SLC25A48: variants seen among roughly 807,000 people sequenced by gnomAD.
SLC25A48 encodes the protein solute carrier family 25 member 48.
A neutral mutation model predicts 32.2 loss-of-function variants in SLC25A48; 29 were observed. The ratio of observed to expected loss-of-function variants is 0.90; its 90% CI spans 0.67 to 1.23. SLC25A48 has a LOEUF of 1.23. Ranked by LOEUF, SLC25A48 falls within the 50% of genes most tolerant of loss-of-function variation. The pLI, the probability that SLC25A48 is intolerant of heterozygous loss-of-function variation, is 0.00. For synonymous variants in SLC25A48, 164 were observed against 172.3 expected, an observed-to-expected ratio of 0.95 and a Z score of 0.38; for missense variants, 399 against 422.7, an observed-to-expected ratio of 0.94 and a Z score of 0.49.
At chr5:135,850,544 AGGCTG>A in intron 3 of SLC25A48, 48 bp downstream of exon 3, 1 of 1,586,392 alleles carries the variant, frequency 6.3e-7, no homozygotes. Flanking sequence ...GGGCCCCCAC[AGGCTG>A]GGGACCAGGG....
At chr5:135,677,099 A>G (rs1415504024) in intron 3 of SLC25A48, among the ~76,000 whole-genome samples, 1 of 152,004 alleles carries the variant, frequency 6.6e-6, no homozygotes, top group Non-Finnish European at 1.5e-5. Flanking sequence ...CTCTTTCTTT[A>G]GATCTAGTAA....
At chr5:135,882,503 G>A (rs192612472) in intron 7 of SLC25A48, among the ~76,000 whole-genome samples, 2 of 152,256 alleles carry the variant, frequency 1.3e-5, no homozygotes, top group Admixed American at 6.5e-5. Context: ...GAGAGTTCCT[G>A]AGTACAGATG....
At chr5:135,694,695 C>T (rs1754226997) in intron 3 of SLC25A48, among the ~76,000 whole-genome samples, 1 of 152,084 alleles carries the variant, frequency 6.6e-6, no homozygotes, top group Non-Finnish European at 1.5e-5. Context: ...TCAAGCAATT[C>T]TCCTGCTCAG....
intron 3 of SLC25A48, among the ~76,000 whole-genome samples, chr5:135,672,621 C>A (rs1301000751): frequency 6.6e-6 from 1 of 152,178 alleles, no homozygotes; most frequent in Admixed American, 6.5e-5. Flanking sequence ...GGTTGGGCAG[C>A]CAGATCCTGG....
intron 4 of SLC25A48, among the ~76,000 whole-genome samples, chr5:135,857,351 C>A (rs1020816961): frequency 1.3e-5 from 2 of 152,184 alleles, no homozygotes; most frequent in African/African-American, 2.4e-5. Flanking sequence ...GCATGGCCTC[C>A]AAGCAGGGTG....
chr5:135,839,217 C>T (rs907423879), intron 1 of SLC25A48, among the ~76,000 whole-genome samples: 2 of 152,212 alleles, frequency 1.3e-5, no homozygotes, highest in African/African-American at 4.8e-5. Flanking sequence ...GGGAGACACT[C>T]ATGCCAGCAG....
intron 4 of SLC25A48, among the ~76,000 whole-genome samples, chr5:135,860,969 A>T (rs536450343): frequency 6.6e-6 from 1 of 152,342 alleles, no homozygotes; most frequent in Non-Finnish European, 1.5e-5. Context: ...ACTGGCAAAT[A>T]TATAGCCAGT....
Position 135,715,200 on chromosome 5 carries a change from G to A in SLC25A48, c.-521+80244G>A, listed in dbSNP as rs142458392. Among the ~76,000 whole-genome samples, 347 of 152,342 alleles carry A rather than the reference G, an allele frequency of 2.3e-3. 1 individual carries two copies. The highest frequency in any genetic ancestry group is 2.6e-3 in the Non-Finnish European group (177 of 68,026). Reference sequence around the variant, plus strand: ...CGAAAAAAACAGCAGAGGTGCAATGGATAGAATTTGGCTGCTGATTTGATA... The same window carrying A: ...CGAAAAAAACAGCAGAGGTGCAATGAATAGAATTTGGCTGCTGATTTGATA... On this transcript the variant is annotated intron_variant, in intron 3 of 10. Transcript: ENST00000646290.
intron 3 of SLC25A48, among the ~76,000 whole-genome samples, chr5:135,795,741 C>T (rs924932321): frequency 6.6e-6 from 1 of 151,080 alleles, no homozygotes; most frequent in African/African-American, 2.4e-5. Flanking sequence ...TTCATAACAT[C>T]CGGTGGGGGA....
chr5:135,793,209 C>T (rs930040334), intron 3 of SLC25A48, among the ~76,000 whole-genome samples: 6 of 151,394 alleles, frequency 4.0e-5, no homozygotes, highest in Non-Finnish European at 7.4e-5. Flanking sequence ...TGTGTGTACA[C>T]CCTGGATGTT....
At chr5:135,755,483 A>G (rs998890860) in intron 3 of SLC25A48, among the ~76,000 whole-genome samples, 4 of 152,024 alleles carry the variant, frequency 2.6e-5, no homozygotes, top group Non-Finnish European at 4.4e-5. Context: ...TACTTATCAT[A>G]TCATATCTAG....
chr5:135,742,421 G>A (rs1297849864), intron 3 of SLC25A48: 3 of 1,436,916 alleles, frequency 2.1e-6, no homozygotes, highest in East Asian at 5.1e-5. Flanking sequence ...CCCTCAGATA[G>A]AATGAACATC....
chr5:135,812,153 T>G (rs1757603415), intron 3 of SLC25A48, among the ~76,000 whole-genome samples: 1 of 152,174 alleles, frequency 6.6e-6, no homozygotes, highest in African/African-American at 2.4e-5. Flanking sequence ...GATTTTTATT[T>G]ATTTTATTTT....
At position 135,618,052 on chromosome 5, in the gene SLC25A48, A is replaced by C. The variant is rs370343544; in HGVS notation, c.-848-11185A>C. ...AGTATTATTGTATTGAAGTCTGTCT[A>C]TCCCTTTAGATCTAATAATTTTTGC... is the stretch of plus-strand genomic sequence containing the variant. On this transcript the variant is annotated intron_variant, in intron 1 of 10. Transcript: ENST00000646290. 1.8e-4 allele frequency among the ~76,000 whole-genome samples: 27 copies of C among 151,154 alleles called. 1 individual carries two copies. Among genetic ancestry groups the C allele is most frequent in the African/African-American group, 6.4e-4 (26 of 40,590 alleles).
At chr5:135,725,751 G>A (rs546967723) in intron 3 of SLC25A48, among the ~76,000 whole-genome samples, 3 of 152,088 alleles carry the variant, frequency 2.0e-5, no homozygotes, top group East Asian at 1.9e-4. Flanking sequence ...AGACCTCTCC[G>A]TCTGATGGCA....
intron 3 of SLC25A48, among the ~76,000 whole-genome samples, chr5:135,756,066 A>C (rs1169021529): frequency 6.6e-6 from 1 of 152,066 alleles, no homozygotes; most frequent in Non-Finnish European, 1.5e-5. Context: ...TATTAATGAA[A>C]TGTCGCTGTG....
At chr5:135,579,555 A>G (rs965712872) in exon 1 of SLC25A48, 2 of 152,374 alleles carry the variant, frequency 1.3e-5, no homozygotes, top group African/African-American at 4.8e-5. Flanking sequence ...ACTGTCCAGC[A>G]GCAAAGTCAT....
chr5:135,801,305 G>T (rs1387809956), intron 3 of SLC25A48, among the ~76,000 whole-genome samples: 2 of 151,070 alleles, frequency 1.3e-5, no homozygotes, highest in African/African-American at 2.4e-5. Context: ...ATCGCAGGGG[G>T]TGTATACTCC....
rs148157477 is a variant in SLC25A48 at position 135,719,928 on chromosome 5, C to T, written c.-521+84972C>T. Among the ~76,000 whole-genome samples the T allele has an allele frequency of 2.0e-3, 302 of 152,316 alleles. 1 individual carries two copies. Among genetic ancestry groups the T allele is most frequent in the African/African-American group, 6.7e-3 (279 of 41,564 alleles). On this transcript the variant is annotated intron_variant, in intron 3 of 10. Coordinates refer to the SLC25A48 transcript ENST00000646290. ...ACGGTGCAGAGGCACTGTCTACCTG[C>T]GGGCAGGGCATGGCTGCAGTCCACC...
Sources: allele counts gnomAD v4.1 joint callset (sites outside exome capture counted in the v4.1 genomes callset), GRCh38; gene constraint gnomAD v4.1.1; transcripts MANE v1.5; gene names NCBI Gene and HGNC (gene_info 2026-07-23, HGNC 2026-07-21).